The following CFAP221 variants were observed in gnomAD, a reference collection of about 807,000 sequenced individuals.
CFAP221 encodes the protein cilia- and flagella-associated protein 221.
A neutral mutation model predicts 113.1 loss-of-function variants in CFAP221; 97 were observed. The ratio of observed to expected loss-of-function variants is 0.86; its 90% CI spans 0.73 to 1.02. The LOEUF (loss-of-function observed/expected upper bound fraction) is 1.02, where lower values mean the gene tolerates loss of function less well. CFAP221 is among the 50% of genes least tolerant of loss of function. The probability of loss-of-function intolerance (pLI) is 0.00; values close to 1 mark genes in which losing one functional copy is unlikely to be tolerated. For missense variants in CFAP221, 1,025 were observed against 1,013.4 expected, an observed-to-expected ratio of 1.01 and a Z score of -0.16; for synonymous variants, 331 against 354.4, an observed-to-expected ratio of 0.93 and a Z score of 0.74.
intron 3 of CFAP221, among the ~76,000 whole-genome samples, chr2:119,551,492 A>G (rs1680425591): frequency 6.6e-6 from 1 of 152,156 alleles, no homozygotes; most frequent in Non-Finnish European, 1.5e-5. Context: ...TGCATGTTCT[A>G]CCATCATTTG....
intron 22 of CFAP221, among the ~76,000 whole-genome samples, chr2:119,648,951 C>A (rs996150892): frequency 2.6e-5 from 4 of 152,220 alleles, no homozygotes; most frequent in Admixed American, 6.5e-5. Context: ...CCTGTGCCTG[C>A]CTGATCATTC....
chr2:119,549,150 G>T lies in CFAP221; in HGVS notation c.205G>T (p.Gly69Cys), dbSNP rs777413463. Residue 69 changes from glycine to cysteine, a missense_variant, in exon 3 of 24, where the codon GGC becomes TGC. Coordinates refer to ENST00000413369, the MANE Select transcript of CFAP221 (RefSeq NM_001271049.2). ...AAGACCTGGCATAATACATTTTGGA[G>T]GCTATCAAGTAGAAAAACAACACCA... ...QARPGIIHFG[G>C]YQVEKQHQQI... 1.0e-4 allele frequency: 153 copies of T among 1,534,954 alleles called. No individual in the cohort carries two copies. The highest frequency in any genetic ancestry group is 1.3e-4 in the Non-Finnish European group (150 of 1,146,618).
Position 119,647,038 on chromosome 2 carries a change from A to T in CFAP221, c.2306A>T (p.Glu769Val), listed in dbSNP as rs530511907. 6.3e-7 allele frequency: 1 copy of T among 1,587,380 alleles called. No homozygotes were observed. Among genetic ancestry groups the T allele is most frequent in the African/African-American group, 1.5e-5 (1 of 66,790 alleles). ...LDALPEEDRL[E>V]TVERELCEQN... ...GCCTTACCAGAAGAGGACAGACTAGAAACAGTAGAACGGTATTTTTTTTTT... is the reference window on the plus strand; with the variant it reads ...GCCTTACCAGAAGAGGACAGACTAGTAACAGTAGAACGGTATTTTTTTTTT... Residue 769 changes from glutamate (E) to valine (V), a missense_variant, in exon 22 of 24, where the codon GAA (glutamate) becomes GTA (valine). By Grantham distance (121) the Glu-to-Val change is moderately radical (BLOSUM62 -2). Transcript: ENST00000413369.
rs75995361 is a variant in CFAP221 at position 119,555,190 on chromosome 2, G to A, written c.241-4499G>A. Among the ~76,000 whole-genome samples the A allele has an allele frequency of 7.6e-3, 1,149 of 152,158 alleles. 12 individuals carry two copies. Among genetic ancestry groups the A allele is most frequent in the African/African-American group, 0.026 (1,088 of 41,502 alleles). ...GTGGGGTTTTTGTGGAGTGGGAAGC[G>A]GTTCTGAAAAACTCTAGAAGGGGCT... On this transcript the variant is annotated intron_variant, in intron 3 of 23. Transcript: ENST00000413369.
At chr2:119,648,994 G>A (rs1369255226) in intron 22 of CFAP221, among the ~76,000 whole-genome samples, 1 of 152,228 alleles carries the variant, frequency 6.6e-6, no homozygotes, top group Non-Finnish European at 1.5e-5. Flanking sequence ...GCTGGTAGCA[G>A]TTACCTGGTA....
rs10204163 is a variant in CFAP221 at position 119,591,157 on chromosome 2, G to A, written c.631+3935G>A. On this transcript the variant is annotated intron_variant, in intron 7 of 23. Coordinates refer to ENST00000413369, the MANE Select transcript of CFAP221 (RefSeq NM_001271049.2). ...GGTCAGCAAATGGAGGAACAGCTGG[G>A]GGCCATATGCAGGGTTGGAAAAGAG... Among the ~76,000 whole-genome samples the A allele has an allele frequency of 1.9e-3, 290 of 152,282 alleles. 1 individual carries two copies. Among genetic ancestry groups the A allele is most frequent in the African/African-American group, 6.5e-3 (271 of 41,552 alleles).
At chr2:119,567,840 A>G (rs1432661110) in intron 6 of CFAP221, among the ~76,000 whole-genome samples, 1 of 152,134 alleles carries the variant, frequency 6.6e-6, no homozygotes, top group African/African-American at 2.4e-5. Flanking sequence ...TTGCCCTTGT[A>G]CTTTGGTTCT....
chr2:119,635,797 C>T (rs1005723577), intron 19 of CFAP221, among the ~76,000 whole-genome samples: 2 of 152,088 alleles, frequency 1.3e-5, no homozygotes, highest in Non-Finnish European at 2.9e-5. Context: ...GGGCTGATCT[C>T]TGGTCATTCA....
At chr2:119,597,762 C>G (rs947301141) in intron 7 of CFAP221, among the ~76,000 whole-genome samples, 1 of 152,190 alleles carries the variant, frequency 6.6e-6, no homozygotes, top group East Asian at 1.9e-4. Context: ...AGAGGTTTCC[C>G]ATTGGTTACT....
chr2:119,592,529 G>A (rs1447651128), intron 7 of CFAP221, among the ~76,000 whole-genome samples: 1 of 152,198 alleles, frequency 6.6e-6, no homozygotes, highest in Non-Finnish European at 1.5e-5. Flanking sequence ...CATGAATGCT[G>A]TAGCTATTTA....
chr2:119,602,426 A>G (rs1425682272), intron 8 of CFAP221, among the ~76,000 whole-genome samples: 3 of 152,208 alleles, frequency 2.0e-5, no homozygotes, highest in African/African-American at 7.2e-5. Context: ...CAATCTTAGA[A>G]GATTCTGACA....
chr2:119,602,317 G>A (rs1171663507), intron 8 of CFAP221, among the ~76,000 whole-genome samples: 2 of 152,202 alleles, frequency 1.3e-5, no homozygotes, highest in Admixed American at 1.3e-4. Flanking sequence ...AGAGGTTGCA[G>A]TGAGCCGAGA....
At chr2:119,608,374 A>G in intron 11 of CFAP221, 128 bp from the exon 12 acceptor site, 4 of 603,190 alleles carry the variant, frequency 6.6e-6, no homozygotes, top group Non-Finnish European at 1.1e-5. Flanking sequence ...TAACTTCTCT[A>G]TCCCATGTGT....
chr2:119,650,440 A>G (rs1558673702), intron 22 of CFAP221, among the ~76,000 whole-genome samples: 1 of 152,202 alleles, frequency 6.6e-6, no homozygotes, highest in South Asian at 2.1e-4. Flanking sequence ...CCCACTGGGG[A>G]GATGTTCAGC....
intron 11 of CFAP221, 21 bp from the exon 12 acceptor site, chr2:119,608,481 G>GTTTT (rs5833792): frequency 6.4e-5 from 77 of 1,203,752 alleles, no homozygotes; most frequent in South Asian, 1.9e-4. Context: ...TCTGGACACA[G>GTTTT]TTTTTTTTTT....
At chr2:119,631,090 A>C (rs1260101896) in intron 19 of CFAP221, 189 bp downstream of exon 19, 2 of 1,272,388 alleles carry the variant, frequency 1.6e-6, no homozygotes, top group African/African-American at 1.5e-5. Context: ...GTCTTTTAGC[A>C]ATTCCTGCAT....
intron 14 of CFAP221, among the ~76,000 whole-genome samples, chr2:119,623,334 G>T (rs184132708): frequency 7.9e-5 from 12 of 152,246 alleles, no homozygotes; most frequent in African/African-American, 2.6e-4. Context: ...TCTTCAAGGA[G>T]AACTACAAAC....
intron 2 of CFAP221, among the ~76,000 whole-genome samples, chr2:119,548,458 G>A (rs1680198616): frequency 6.6e-6 from 1 of 152,152 alleles, no homozygotes; most frequent in Non-Finnish European, 1.5e-5. Flanking sequence ...ATCTGCTCCT[G>A]CCTAAATAAA....
At chr2:119,658,795 A>G (rs1048330085), downstream of CFAP221, among the ~76,000 whole-genome samples, 3 of 152,070 alleles carry the variant, frequency 2.0e-5, no homozygotes, top group Non-Finnish European at 4.4e-5. Context: ...AGCCTGGGCA[A>G]CATGGCAAAA....
Sources: gnomAD v4.1 joint callset for allele counts (sites outside exome capture counted in the v4.1 genomes callset) on GRCh38, gnomAD v4.1.1 for gene constraint, MANE v1.5 for transcripts, NCBI Gene and HGNC (gene_info 2026-07-23, HGNC 2026-07-21) for gene names.